Variants in YME1L1 observed in about 807,000 individuals in gnomAD.
YME1L1 encodes the protein ATP-dependent zinc metalloprotease YME1L1.
A neutral mutation model predicts 90.4 loss-of-function variants in YME1L1; 39 were observed. The observed-to-expected ratio is 0.43, with a 90% CI of 0.33 to 0.56. The LOEUF (loss-of-function observed/expected upper bound fraction) is 0.56. Ranked by LOEUF, YME1L1 falls within the 20% of genes least tolerant of loss-of-function variation. The pLI is 0.03. For synonymous variants in YME1L1, 284 were observed against 287.3 expected (o/e 0.99, Z 0.12); for missense variants, 617 against 868.4 (o/e 0.71, Z 3.64).
At chr10:27,122,227 C>G (rs10829191) in intron 11 of YME1L1, among the ~76,000 whole-genome samples, 36,678 of 152,102 alleles carry the variant, frequency 0.24, 4,986 homozygotes, top group East Asian at 0.56. Flanking sequence ...CAATTCATCT[C>G]TGACTACATA....
chr10:27,115,177 C>T (rs1418668310), intron 17 of YME1L1, among the ~76,000 whole-genome samples: 1 of 152,098 alleles, frequency 6.6e-6, no homozygotes, highest in East Asian at 1.9e-4. Flanking sequence ...CGCTTGAACC[C>T]GGGAGGCGGT....
At chr10:27,140,172 T>C (rs970728987) in intron 4 of YME1L1, among the ~76,000 whole-genome samples, 2 of 151,734 alleles carry the variant, frequency 1.3e-5, no homozygotes, top group Admixed American at 6.6e-5. Flanking sequence ...GCTAATTTTG[T>C]ATTTCTTTTT....
intron 4 of YME1L1, among the ~76,000 whole-genome samples, chr10:27,140,039 C>T (rs764555385): frequency 3.9e-5 from 6 of 151,978 alleles, no homozygotes; most frequent in Admixed American, 6.6e-5. Flanking sequence ...CAAAGTCTTG[C>T]TCTGTTGCCC....
intron 11 of YME1L1, among the ~76,000 whole-genome samples, 158 bp from the exon 12 acceptor site, chr10:27,121,606 C>T (rs773857208): frequency 6.6e-6 from 1 of 152,118 alleles, no homozygotes; most frequent in South Asian, 2.1e-4. Flanking sequence ...CTCACTGCTG[C>T]CTCAAACTCC....
In YME1L1 at chr10:27,121,376, T is replaced by C; in HGVS notation, c.1298+10A>G. The C allele has an allele frequency of 6.3e-7, 1 of 1,593,454 alleles. No individual in the cohort carries two copies. The highest frequency in any genetic ancestry group is 8.6e-7 in the Non-Finnish European group (1 of 1,161,548). ...ACAGTACTTCACAAAAATCTTCTTT[T>C]AATACTTACTTATCTAATGCCTCTG... is the stretch of plus-strand genomic sequence containing the variant. On this transcript the variant is annotated intron_variant, in intron 12 of 18. Transcript: ENST00000376016.
intron 4 of YME1L1, among the ~76,000 whole-genome samples, chr10:27,140,282 G>A (rs535374506): frequency 1.3e-5 from 2 of 152,194 alleles, no homozygotes; most frequent in South Asian, 4.1e-4. Context: ...TGGGATTACA[G>A]GCATAAGCCA....
chr10:27,139,355 G>C (rs975076675), intron 4 of YME1L1, among the ~76,000 whole-genome samples: 3 of 151,912 alleles, frequency 2.0e-5, no homozygotes, highest in Admixed American at 2.0e-4. Context: ...TACCACGACG[G>C]GCTAATTTTT....
intron 4 of YME1L1, among the ~76,000 whole-genome samples, chr10:27,140,135 G>T (rs764951479): frequency 6.6e-6 from 1 of 152,182 alleles, no homozygotes; most frequent in East Asian, 1.9e-4. Context: ...GAGTAGCTGA[G>T]ATTACAGGCA....
chr10:27,121,298 G>T, intron 12 of YME1L1, 88 bp downstream of exon 12: 1 of 908,706 alleles, frequency 1.1e-6, no homozygotes, highest in Non-Finnish European at 1.8e-6. Context: ...ATCATACAGT[G>T]TTGATGTGAT....
chr10:27,133,401 A>G (rs572041500), intron 7 of YME1L1, among the ~76,000 whole-genome samples: 2 of 152,236 alleles, frequency 1.3e-5, no homozygotes, highest in African/African-American at 2.4e-5. Context: ...CCTCAGAAGA[A>G]GCCCAAAATA....
At chr10:27,120,003 T>G (rs927671417) in intron 13 of YME1L1, among the ~76,000 whole-genome samples, 2 of 152,182 alleles carry the variant, frequency 1.3e-5, no homozygotes, top group African/African-American at 4.8e-5. Flanking sequence ...TACTGCAGCT[T>G]TAATAATTTC....
At chr10:27,147,510 G>A (rs377110106) in intron 2 of YME1L1, 2 of 1,611,296 alleles carry the variant, frequency 1.2e-6, no homozygotes, top group African/African-American at 1.4e-5. Context: ...GGATTGAGAG[G>A]GAGAAGGGTT....
At chr10:27,147,255 A>G (rs566001011) in intron 2 of YME1L1, 3 of 638,946 alleles carry the variant, frequency 4.7e-6, no homozygotes, top group Admixed American at 5.8e-5. Flanking sequence ...CACTTTTGAG[A>G]GGCTGAGGTG....
chr10:27,137,230 T>C (rs1564464345), intron 4 of YME1L1, among the ~76,000 whole-genome samples: 1 of 152,230 alleles, frequency 6.6e-6, no homozygotes, highest in Non-Finnish European at 1.5e-5. Context: ...TGCACACAGG[T>C]GCTCTTTCTA....
chr10:27,152,426 C>A (rs1295004391), intron 1 of YME1L1, among the ~76,000 whole-genome samples: 1 of 152,150 alleles, frequency 6.6e-6, no homozygotes, highest in African/African-American at 2.4e-5. Context: ...GCCTGAGAGT[C>A]CTCACTATAT....
rs1450068711 is a variant in YME1L1 at position 27,144,204 on chromosome 10, A to ACAT, written c.331+1221_331+1223dup. On this transcript the variant is annotated intron_variant, in intron 3 of 18. Coordinates refer to ENST00000376016, the MANE Select transcript of YME1L1 (RefSeq NM_014263.4). ...AAGAGCAGTAGGAATAATCATAATA[A>ACAT]CATAGTAACAAAAAGAATTTTATTC... Among the ~76,000 whole-genome samples the ACAT allele has an allele frequency of 3.3e-5, 5 of 152,354 alleles. No homozygotes were observed. The East Asian group carries it at 9.6e-4, about 29-fold the overall frequency.
Position 27,121,452 on chromosome 10 carries a change from T to C in YME1L1, c.1236-4A>G, listed in dbSNP as rs756424922. 6 of 1,583,140 alleles carry C rather than the reference T, an allele frequency of 3.8e-6. No individual in the cohort carries two copies. Among genetic ancestry groups the C allele is most frequent in the Admixed American group, 3.3e-5 (2 of 59,866 alleles). On this transcript the variant is annotated splice_region_variant and splice_polypyrimidine_tract_variant and intron_variant, in intron 11 of 18. Transcript: ENST00000376016. ...AACTCCTTCATTGGGTTTAAAACTA[T>C]ATTGGAAAAAAAATAGTATCTTTTA... is the stretch of plus-strand genomic sequence containing the variant.
At chr10:27,151,237 T>TAAG (rs1204650590) in intron 1 of YME1L1, among the ~76,000 whole-genome samples, 1 of 152,180 alleles carries the variant, frequency 6.6e-6, no homozygotes, top group Non-Finnish European at 1.5e-5. Context: ...CTCGAATTCT[T>TAAG]GTGCGAGATC....
At chr10:27,148,767 TAG>T in intron 2 of YME1L1, 137 bp downstream of exon 2, 2 of 948,088 alleles carry the variant, frequency 2.1e-6, no homozygotes. Context: ...AGGGTATTAG[TAG>T]TTAAGTTTCT....
Sources: allele counts gnomAD v4.1 joint callset (sites outside exome capture counted in the v4.1 genomes callset), GRCh38; gene constraint gnomAD v4.1.1; transcripts MANE v1.5; gene names NCBI Gene and HGNC (gene_info 2026-07-23, HGNC 2026-07-21).